Variants in THSD7A observed in about 807,000 individuals in gnomAD.
THSD7A encodes thrombospondin type 1 domain containing 7A.
Under a neutral mutation model 231.3 loss-of-function variants are expected in THSD7A, and 96 were observed. The observed-to-expected ratio is 0.41, with a 90% confidence interval of 0.35 to 0.49. The LOEUF is 0.49. Ranked by LOEUF, THSD7A falls within the 20% of genes least tolerant of loss-of-function variation. The probability of loss-of-function intolerance (pLI) is 0.05; values close to 1 mark genes in which losing one functional copy is unlikely to be tolerated. For missense variants in THSD7A, 2,290 were observed against 2,070.2 expected (o/e 1.11, Z -2.06); for synonymous variants, 940 against 743.3 (o/e 1.26, Z -4.30).
chr7:11,668,072 T>C (rs1224274895), intron 1 of THSD7A, among the ~76,000 whole-genome samples: 2 of 152,140 alleles, frequency 1.3e-5, no homozygotes, highest in African/African-American at 2.4e-5. Context: ...TGCCAGGAAG[T>C]ACCTGTCTTT....
At chr7:11,580,999 A>C (rs1033515158) in intron 4 of THSD7A, among the ~76,000 whole-genome samples, 1 of 152,196 alleles carries the variant, frequency 6.6e-6, no homozygotes. Flanking sequence ...TGAAAGAATA[A>C]TAAGTGAGAT....
chr7:11,378,961 T>C (rs1416005355), intron 26 of THSD7A, 109 bp downstream of exon 26: 27 of 1,005,024 alleles, frequency 2.7e-5, no homozygotes, highest in Non-Finnish European at 3.8e-5. Context: ...TGCATGTAGA[T>C]AAAATAATCA....
At chr7:11,718,943 A>AT (rs1214692088) in intron 1 of THSD7A, among the ~76,000 whole-genome samples, 1 of 151,244 alleles carries the variant, frequency 6.6e-6, no homozygotes, top group Non-Finnish European at 1.5e-5. Context: ...CAAAAAGGAA[A>AT]TAAAAAAAAG....
At chr7:11,603,155 T>G (rs1244938243) in intron 2 of THSD7A, among the ~76,000 whole-genome samples, 5 of 151,648 alleles carry the variant, frequency 3.3e-5, no homozygotes, top group Admixed American at 2.6e-4. Flanking sequence ...ATCCAGAATC[T>G]ACAATGAACT....
chr7:11,692,810 C>A (rs1472984207), intron 1 of THSD7A, among the ~76,000 whole-genome samples: 4 of 151,420 alleles, frequency 2.6e-5, no homozygotes, highest in African/African-American at 7.3e-5. Flanking sequence ...ATGTCTAAAA[C>A]CTTACTAAAA....
chr7:11,763,787 T>C (rs1782941188), intron 1 of THSD7A, among the ~76,000 whole-genome samples: 1 of 152,178 alleles, frequency 6.6e-6, no homozygotes, highest in African/African-American at 2.4e-5. Flanking sequence ...ATTCCTGCTC[T>C]AGCTTTTCTC....
intron 6 of THSD7A, among the ~76,000 whole-genome samples, chr7:11,487,153 G>C (rs186403061): frequency 6.6e-5 from 10 of 152,110 alleles, no homozygotes; most frequent in Admixed American, 5.9e-4. Flanking sequence ...CCCTTGTTTG[G>C]TCTATTTTCA....
intron 1 of THSD7A, among the ~76,000 whole-genome samples, chr7:11,695,247 A>T (rs1032476580): frequency 1.3e-5 from 2 of 151,562 alleles, no homozygotes; most frequent in African/African-American, 4.8e-5. Flanking sequence ...AAAACATAGT[A>T]TACCAAGAAT....
chr7:11,570,370 G>A (rs1215485939), intron 4 of THSD7A, among the ~76,000 whole-genome samples: 1 of 152,118 alleles, frequency 6.6e-6, no homozygotes, highest in African/African-American at 2.4e-5. Flanking sequence ...AGAGGGGGAT[G>A]AGAAGAGGAT....
chr7:11,393,931 G>A (rs1783081002), intron 23 of THSD7A, among the ~76,000 whole-genome samples: 1 of 150,334 alleles, frequency 6.7e-6, no homozygotes, highest in African/African-American at 2.4e-5. Context: ...AACCAAGTTG[G>A]AAAACACTCT....
chr7:11,626,760 T>G (rs1781483874), intron 2 of THSD7A, among the ~76,000 whole-genome samples: 1 of 152,120 alleles, frequency 6.6e-6, no homozygotes, highest in African/African-American at 2.4e-5. Flanking sequence ...ACATTTATGA[T>G]ATTAATAATG....
chr7:11,524,980 A>G (rs1788413462), intron 6 of THSD7A, among the ~76,000 whole-genome samples: 1 of 152,218 alleles, frequency 6.6e-6, no homozygotes, highest in South Asian at 2.1e-4. Flanking sequence ...TAATTTTAGC[A>G]GGAGATAAAC....
intron 1 of THSD7A, among the ~76,000 whole-genome samples, chr7:11,743,977 T>C (rs10241394): frequency 0.027 from 4,090 of 151,986 alleles, 199 homozygotes; most frequent in African/African-American, 0.094. Context: ...ACTTCAAATA[T>C]AGACCAGTGG....
intron 1 of THSD7A, among the ~76,000 whole-genome samples, chr7:11,800,608 C>T (rs569967562): frequency 6.6e-6 from 1 of 152,152 alleles, no homozygotes; most frequent in Admixed American, 6.5e-5. Flanking sequence ...GGACATTATG[C>T]TAAGTGAAAT....
intron 4 of THSD7A, among the ~76,000 whole-genome samples, chr7:11,579,519 C>A (rs1791064514): frequency 6.6e-6 from 1 of 152,134 alleles, no homozygotes; most frequent in African/African-American, 2.4e-5. Context: ...TTGATAGTGT[C>A]AGGTTAGATG....
At chr7:11,652,288 G>A (rs1361238438) in intron 1 of THSD7A, among the ~76,000 whole-genome samples, 1 of 151,890 alleles carries the variant, frequency 6.6e-6, no homozygotes, top group Non-Finnish European at 1.5e-5. Flanking sequence ...TCTGGCACGG[G>A]AGCAGGACTG....
rs111442594 is a variant in THSD7A at position 11,684,397 on chromosome 7, G to GAA, written c.191-47438_191-47437dup. Among the ~76,000 whole-genome samples, 271 of 127,926 alleles carry GAA rather than the reference G, an allele frequency of 2.1e-3. 2 individuals carry two copies. Among genetic ancestry groups the GAA allele is most frequent in the Non-Finnish European group, 3.5e-3 (214 of 60,686 alleles). The allele number at this position is 127,926 out of a possible 152,430, so 83.9% of individuals were successfully genotyped here. On this transcript the variant is annotated intron_variant, in intron 1 of 27. Coordinates refer to ENST00000423059, the MANE Select transcript of THSD7A (RefSeq NM_015204.3). Reference sequence around the variant, plus strand: ...AATCCTAGCCAGAGCAATGAGGCATGAAAAAAAAAAAGACATTGAAATAGA... The same window carrying GAA: ...AATCCTAGCCAGAGCAATGAGGCATGAAAAAAAAAAAAAGACATTGAAATAGA...
chr7:11,761,702 T>G (rs1782867391), intron 1 of THSD7A, among the ~76,000 whole-genome samples: 1 of 152,166 alleles, frequency 6.6e-6, no homozygotes, highest in African/African-American at 2.4e-5. Context: ...TGTCACAAAC[T>G]CTCTTTTAAA....
intron 27 of THSD7A, 60 bp from the exon 28 acceptor site, chr7:11,375,938 C>T: frequency 3.3e-6 from 5 of 1,519,230 alleles, no homozygotes; most frequent in Admixed American, 1.8e-5. Context: ...AATTTGATTG[C>T]TTTAAGCGAA....
Sources: allele counts gnomAD v4.1 joint callset (sites outside exome capture counted in the v4.1 genomes callset), GRCh38; gene constraint gnomAD v4.1.1; transcripts MANE v1.5; gene names NCBI Gene and HGNC (gene_info 2026-07-23, HGNC 2026-07-21).